PCDH9: variants seen among roughly 807,000 people sequenced by gnomAD.
The protein encoded by PCDH9 is protocadherin 9, also known as protocadherin-9.
In PCDH9, 24 loss-of-function variants were observed where a neutral mutation model predicts 70.6. The ratio of observed to expected loss-of-function variants is 0.34; its 90% CI spans 0.25 to 0.48. The LOEUF is 0.48. Among genes scored for constraint, PCDH9 ranks in the 20% least tolerant of loss-of-function variants. The probability of loss-of-function intolerance (pLI) is 0.99; values close to 1 mark genes in which losing one functional copy is unlikely to be tolerated. For synonymous variants in PCDH9, 562 were observed against 558.5 expected (o/e 1.01, Z -0.09); for missense variants, 1,281 against 1,503.6 (o/e 0.85, Z 2.45).
At chr13:66,991,245 C>T (rs2139798112) in intron 2 of PCDH9, 1 of 152,120 alleles carries the variant, frequency 6.6e-6, no homozygotes. Flanking sequence ...CAATCCATTA[C>T]TATCTAAAAA....
intron 2 of PCDH9, among the ~76,000 whole-genome samples, chr13:67,086,198 A>G (rs2086104463): frequency 1.3e-5 from 2 of 152,196 alleles, no homozygotes; most frequent in South Asian, 2.1e-4. Context: ...ATAACAAATT[A>G]TCTATATATC....
intron 2 of PCDH9, among the ~76,000 whole-genome samples, chr13:67,032,860 A>ATTCAG (rs1295279995): frequency 6.6e-6 from 1 of 152,184 alleles, no homozygotes; most frequent in Admixed American, 6.5e-5. Flanking sequence ...GTTTTGAAGC[A>ATTCAG]TTCAGTCAGT....
At chr13:66,993,314 G>T (rs1053731169) in intron 2 of PCDH9, among the ~76,000 whole-genome samples, 2 of 152,110 alleles carry the variant, frequency 1.3e-5, no homozygotes, top group African/African-American at 4.8e-5. Context: ...ATTTACTTGG[G>T]ATACTGAATA....
chr13:66,708,783 T>C (rs985472139), intron 3 of PCDH9, among the ~76,000 whole-genome samples: 3 of 151,946 alleles, frequency 2.0e-5, no homozygotes, highest in Middle Eastern at 3.2e-3. Flanking sequence ...AAAAGTGGAG[T>C]GTTGGCAAAA....
In PCDH9 at chr13:66,390,561, C is replaced by G. The variant is rs557347203; in HGVS notation, c.3341-85533G>C. On this transcript the variant is annotated intron_variant, in intron 4 of 4. Coordinates refer to ENST00000377865, the MANE Select transcript of PCDH9 (RefSeq NM_203487.3). Reference sequence around the variant, plus strand: ...GACAAGCCTGGCCAACATGGTGAAACCCCATCTATACTAAAAATACAAAAA... The same window carrying G: ...GACAAGCCTGGCCAACATGGTGAAAGCCCATCTATACTAAAAATACAAAAA... Among the ~76,000 whole-genome samples, 9 of 152,086 alleles carry G rather than the reference C, an allele frequency of 5.9e-5. No homozygotes were observed. In the East Asian group the frequency reaches 7.7e-4, roughly 13 times the overall value.
At chr13:66,320,980 C>T (rs1450402486) in intron 4 of PCDH9, among the ~76,000 whole-genome samples, 1 of 151,968 alleles carries the variant, frequency 6.6e-6, no homozygotes, top group East Asian at 1.9e-4. Context: ...AAATCTAAAG[C>T]CTGGCTTCTT....
At chr13:66,679,006 T>C (rs756123724) in intron 3 of PCDH9, among the ~76,000 whole-genome samples, 1 of 151,436 alleles carries the variant, frequency 6.6e-6, no homozygotes, top group Non-Finnish European at 1.5e-5. Context: ...AACATATGCA[T>C]TATATTTAAC....
chr13:66,577,330 T>C (rs2076829455), intron 4 of PCDH9, among the ~76,000 whole-genome samples: 1 of 151,982 alleles, frequency 6.6e-6, no homozygotes, highest in Non-Finnish European at 1.5e-5. Flanking sequence ...AACAAAACTC[T>C]ATCCTGGACT....
chr13:67,169,956 T>A (rs1204001413), intron 2 of PCDH9, among the ~76,000 whole-genome samples: 1 of 152,200 alleles, frequency 6.6e-6, no homozygotes, highest in African/African-American at 2.4e-5. Context: ...ACCAGTTAGG[T>A]ACGTCTCTAT....
intron 4 of PCDH9, among the ~76,000 whole-genome samples, chr13:66,488,256 C>T (rs191505162): frequency 6.6e-6 from 1 of 152,222 alleles, no homozygotes; most frequent in Admixed American, 6.5e-5. Context: ...TACAAAACGA[C>T]CTAATGACCT....
At chr13:66,841,964 G>T (rs1223884224) in intron 3 of PCDH9, among the ~76,000 whole-genome samples, 2 of 152,142 alleles carry the variant, frequency 1.3e-5, no homozygotes. Flanking sequence ...AGAAATTACA[G>T]ATGTTAGAGA....
At chr13:66,592,970 T>G (rs2077056180) in intron 4 of PCDH9, among the ~76,000 whole-genome samples, 2 of 151,684 alleles carry the variant, frequency 1.3e-5, no homozygotes, top group Non-Finnish European at 1.5e-5. Flanking sequence ...TAAGCATTAT[T>G]TGGACATTTA....
intron 2 of PCDH9, among the ~76,000 whole-genome samples, chr13:67,031,605 C>T (rs139843772): frequency 6.6e-6 from 1 of 152,270 alleles, no homozygotes; most frequent in East Asian, 1.9e-4. Flanking sequence ...ACTGCTTGAA[C>T]CTGGGAGATG....
chr13:66,801,435 T>C (rs1406182391), intron 3 of PCDH9, among the ~76,000 whole-genome samples: 1 of 152,148 alleles, frequency 6.6e-6, no homozygotes, highest in African/African-American at 2.4e-5. Flanking sequence ...TACTGATATT[T>C]GCCCTGTAAC....
chr13:66,722,694 G>A (rs556751977), intron 3 of PCDH9, among the ~76,000 whole-genome samples: 11 of 152,216 alleles, frequency 7.2e-5, no homozygotes, highest in South Asian at 4.1e-4. Flanking sequence ...TGTGCCGGGC[G>A]CGGTGGCTCA....
chr13:66,348,464 C>G (rs765558842), intron 4 of PCDH9, among the ~76,000 whole-genome samples: 4 of 151,440 alleles, frequency 2.6e-5, no homozygotes, highest in Non-Finnish European at 5.9e-5. Flanking sequence ...GTGGAGCGAT[C>G]TCAGCTCACT....
chr13:67,088,707 T>C (rs938413729), intron 2 of PCDH9, among the ~76,000 whole-genome samples: 3 of 152,066 alleles, frequency 2.0e-5, no homozygotes, highest in Non-Finnish European at 4.4e-5. Context: ...TAATATAACA[T>C]CAGGCTCCAG....
intron 2 of PCDH9, among the ~76,000 whole-genome samples, chr13:67,089,061 G>T (rs954640719): frequency 6.6e-6 from 1 of 150,632 alleles, no homozygotes; most frequent in African/African-American, 2.5e-5. Context: ...ACCCAGTGAA[G>T]TTTTAAGGTT....
chr13:66,677,914 T>G (rs956939576), intron 3 of PCDH9, among the ~76,000 whole-genome samples: 5 of 152,180 alleles, frequency 3.3e-5, no homozygotes, highest in African/African-American at 1.2e-4. Context: ...TCGTTAATAT[T>G]CTGCTTCAGT....
Sources: allele counts gnomAD v4.1 joint callset (sites outside exome capture counted in the v4.1 genomes callset), GRCh38; gene constraint gnomAD v4.1.1; transcripts MANE v1.5; gene names NCBI Gene and HGNC (gene_info 2026-07-23, HGNC 2026-07-21).